TEX9: variants seen among roughly 807,000 people sequenced by gnomAD.
The protein encoded by TEX9 is testis-expressed protein 9.
TEX9 carries 74 observed loss-of-function variants against 59.6 expected under a neutral mutation model. That is an observed-to-expected ratio of 1.24 (90% confidence interval 1.03 to 1.51). The LOEUF (loss-of-function observed/expected upper bound fraction) is 1.51. TEX9 is among the 40% of genes most tolerant of loss of function. The pLI is 0.00. For synonymous variants in TEX9, 186 were observed against 152.2 expected (o/e 1.22, Z -1.64); for missense variants, 522 against 447.8 (o/e 1.17, Z -1.49).
chr15:56,416,620 G>T (rs1187771995), intron 10 of TEX9, among the ~76,000 whole-genome samples: 8 of 151,808 alleles, frequency 5.3e-5, no homozygotes, highest in African/African-American at 1.7e-4. Flanking sequence ...CAAATATTTT[G>T]TTGAGGATTT....
At chr15:56,353,073 C>T (rs1338886943) in intron 1 of TEX9, among the ~76,000 whole-genome samples, 1 of 152,168 alleles carries the variant, frequency 6.6e-6, no homozygotes, top group Non-Finnish European at 1.5e-5. Context: ...GTGCTCACAG[C>T]CCCTTTCTGC....
intron 10 of TEX9, among the ~76,000 whole-genome samples, chr15:56,414,255 A>AT (rs34420915): frequency 0.48 from 72,263 of 150,998 alleles, 17,702 homozygotes; most frequent in South Asian, 0.64. Flanking sequence ...TTTTGTTTTA[A>AT]TTTTTTTTAG....
intron 3 of TEX9, among the ~76,000 whole-genome samples, chr15:56,376,552 T>C (rs1012435332): frequency 1.3e-5 from 2 of 152,210 alleles, no homozygotes; most frequent in East Asian, 3.8e-4. Flanking sequence ...TGTGTGTGTT[T>C]TTCTTGAGAA....
At chr15:56,304,474 G>T (rs2045431697) in intron 1 of TEX9, among the ~76,000 whole-genome samples, 2 of 152,094 alleles carry the variant, frequency 1.3e-5, no homozygotes, top group Admixed American at 1.3e-4. Flanking sequence ...TTTATCAAAT[G>T]TTTTTCAGCA....
chr15:56,333,059 T>C (rs2046186192), intron 1 of TEX9, among the ~76,000 whole-genome samples: 1 of 152,152 alleles, frequency 6.6e-6, no homozygotes, highest in South Asian at 2.1e-4. Context: ...GCCCAGGACT[T>C]GATGGCTTTT....
rs116835210 is a variant in TEX9 at position 56,317,748 on chromosome 15, T to C, written c.-106-55693T>C. 3.4e-3 allele frequency among the ~76,000 whole-genome samples: 523 copies of C among 152,346 alleles called. 4 individuals carry two copies. Among genetic ancestry groups the C allele is most frequent in the African/African-American group, 0.011 (474 of 41,578 alleles). On this transcript the variant is annotated intron_variant, in intron 1 of 5. Transcript: ENST00000560827. ...ATCTCAAGGTATTTCCTAATTTCCC[T>C]TGTGATTTCATCTTTGACAATTGAT...
At chr15:56,322,921 G>A (rs191557722) in intron 1 of TEX9, among the ~76,000 whole-genome samples, 91 of 152,220 alleles carry the variant, frequency 6.0e-4, no homozygotes, top group African/African-American at 2.2e-3. Context: ...AAGAGAGAAT[G>A]GGGTGAGGCA....
intron 12 of TEX9, among the ~76,000 whole-genome samples, chr15:56,435,467 A>G (rs1160334097): frequency 6.6e-6 from 1 of 152,052 alleles, no homozygotes; most frequent in East Asian, 1.9e-4. Context: ...CAAATAACTA[A>G]TATCAGGAAT....
intron 10 of TEX9, among the ~76,000 whole-genome samples, chr15:56,426,541 A>C (rs1216357609): frequency 6.1e-5 from 8 of 131,228 alleles, no homozygotes; most frequent in African/African-American, 1.4e-4. Flanking sequence ...TGCTGACAAC[A>C]CTCTTATCTT....
chr15:56,428,620 TG>T, intron 12 of TEX9: 1 of 494,272 alleles, frequency 2.0e-6, no homozygotes, highest in Non-Finnish European at 3.6e-6. Context: ...CTTTTTGAGT[TG>T]TTTTTTAAGT....
At chr15:56,366,375 C>A (rs536468542) in intron 2 of TEX9, among the ~76,000 whole-genome samples, 1 of 152,310 alleles carries the variant, frequency 6.6e-6, no homozygotes, top group Admixed American at 6.5e-5. Context: ...CTAAAACTCT[C>A]CAGCTTCACT....
chr15:56,442,910 G>GAA (rs879742910), intron 12 of TEX9, among the ~76,000 whole-genome samples: 9 of 140,424 alleles, frequency 6.4e-5, no homozygotes, highest in African/African-American at 2.3e-4. Context: ...AAGAGAAAAA[G>GAA]AAAAAAAAAA....
intron 1 of TEX9, among the ~76,000 whole-genome samples, chr15:56,267,087 G>C (rs1033540057): frequency 6.6e-5 from 10 of 152,076 alleles, no homozygotes; most frequent in Non-Finnish European, 8.8e-5. Flanking sequence ...TGATGATGAG[G>C]ATTTTTTCAT....
intron 1 of TEX9, among the ~76,000 whole-genome samples, chr15:56,253,787 A>G (rs2713936): frequency 6.6e-6 from 1 of 151,856 alleles, no homozygotes; most frequent in South Asian, 2.1e-4. Context: ...GTGGCTAAAA[A>G]TTACAGCTCT....
intron 12 of TEX9, among the ~76,000 whole-genome samples, chr15:56,439,514 T>C (rs1287827092): frequency 6.6e-6 from 1 of 151,922 alleles, no homozygotes; most frequent in Admixed American, 6.6e-5. Context: ...GGTGGAGGGA[T>C]GGATACATAG....
At chr15:56,459,990 C>CAAAAAA in the TEX9 span, among the ~76,000 whole-genome samples, 167 of 11,094 alleles carry the variant, frequency 0.015, 41 homozygotes, top group African/African-American at 0.023. Flanking sequence ...AATTCTGTCT[C>CAAAAAA]AAAAAAAAAA....
chr15:56,439,021 G>A (rs2050775623), intron 12 of TEX9, among the ~76,000 whole-genome samples: 4 of 152,124 alleles, frequency 2.6e-5, no homozygotes, highest in Admixed American at 2.0e-4. Flanking sequence ...ACAGCCTGTA[G>A]CTCTGGGCAG....
At chr15:56,271,733 T>C (rs2044537012) in intron 1 of TEX9, among the ~76,000 whole-genome samples, 1 of 152,260 alleles carries the variant, frequency 6.6e-6, no homozygotes, top group African/African-American at 2.4e-5. Context: ...TGAACTATTT[T>C]TGTTTTATCA....
chr15:56,375,624 T>C (rs1240985094), intron 3 of TEX9, among the ~76,000 whole-genome samples: 1 of 152,226 alleles, frequency 6.6e-6, no homozygotes, highest in African/African-American at 2.4e-5. Flanking sequence ...GCCTAAGTTT[T>C]CTTCTAGGGT....
Sources: gnomAD v4.1 joint callset for allele counts (sites outside exome capture counted in the v4.1 genomes callset) on GRCh38, gnomAD v4.1.1 for gene constraint, MANE v1.5 for transcripts, NCBI Gene and HGNC (gene_info 2026-07-23, HGNC 2026-07-21) for gene names.